Variants in DNHD1 observed in about 807,000 individuals in gnomAD.
DNHD1 encodes the protein dynein heavy chain domain 1, also known as dynein heavy chain domain-containing protein 1.
DNHD1 carries 383 observed loss-of-function variants against 458.1 expected under a neutral mutation model. The observed-to-expected ratio is 0.84, with a 90% CI of 0.77 to 0.91. The LOEUF (loss-of-function observed/expected upper bound fraction) is 0.91. Ranked by LOEUF, DNHD1 falls within the 40% of genes least tolerant of loss-of-function variation. DNHD1 has a pLI of 0.00. For synonymous variants in DNHD1, 2,203 were observed against 2,376.9 expected (o/e 0.93, Z 2.13); for missense variants, 5,336 against 5,866.1 (o/e 0.91, Z 2.95).
At chr11:6,555,195 A>T (rs893832977) in intron 24 of DNHD1, among the ~76,000 whole-genome samples, 1 of 144,534 alleles carries the variant, frequency 6.9e-6, no homozygotes, top group African/African-American at 2.6e-5. Flanking sequence ...CTCCTCCCTC[A>T]TTCCCTCTCT....
intron 3 of DNHD1, among the ~76,000 whole-genome samples, chr11:6,500,974 G>A (rs1422283393): frequency 6.6e-6 from 1 of 152,048 alleles, no homozygotes; most frequent in East Asian, 1.9e-4. Flanking sequence ...GAGAGAGGGA[G>A]TGTAGTTAGG....
intron 29 of DNHD1, 105 bp downstream of exon 29, chr11:6,563,236 C>T: frequency 6.5e-7 from 1 of 1,532,186 alleles, no homozygotes; most frequent in Non-Finnish European, 8.8e-7. Flanking sequence ...CATGGAATCT[C>T]CTGGGGGGAG....
intron 14 of DNHD1, 126 bp from the exon 15 acceptor site, chr11:6,538,257 C>G: frequency 1.4e-6 from 1 of 715,166 alleles, no homozygotes. Context: ...AACTCCACCT[C>G]CCCCACCCCC....
In DNHD1 at chr11:6,528,803, T is replaced by C. The variant is rs1402033483; in HGVS notation, c.2103+16T>C. 6.4e-7 allele frequency: 1 copy of C among 1,551,046 alleles called. No homozygotes were observed. The highest frequency in any genetic ancestry group is 8.7e-7 in the Non-Finnish European group (1 of 1,146,494). ...GCTGCTGGAGGTGAGAACAGTGGTT[T>C]AAGGGATAGGGCGCTGCCCACCAAT... On this transcript the variant is annotated intron_variant, in intron 11 of 42. Coordinates refer to ENST00000254579, the MANE Select transcript of DNHD1 (RefSeq NM_144666.3).
In DNHD1 at chr11:6,533,856, C is replaced by A. The variant is rs188494993; in HGVS notation, c.2681C>A (p.Pro894Gln). ...ESPIPPCPPP[P>Q]QPHLLHCPLL... ...CCCATCCCTCCCTGCCCTCCTCCCC[C>A]ACAACCACATCTACTCCACTGCCCT... Residue 894 changes from proline to glutamine, a missense_variant, in exon 14 of 43, where the codon CCA becomes CAA. Transcript: ENST00000254579. 10 of 1,551,140 alleles carry A rather than the reference C, an allele frequency of 6.4e-6. No individual in the cohort carries two copies. The highest frequency in any genetic ancestry group is 1.2e-5 in the South Asian group (1 of 84,012).
Position 6,505,255 on chromosome 11 carries a change from A to T in DNHD1, c.920+2329A>T, listed in dbSNP as rs1032028955. 2.7e-5 allele frequency among the ~76,000 whole-genome samples: 4 copies of T among 150,278 alleles called. No homozygotes were observed. The highest frequency in any genetic ancestry group is 3.0e-5 in the Non-Finnish European group (2 of 67,550). ...CTGGTTTTTTATTTTTATTTTTATT[A>T]TTTTTTTTTAAGATGGAGTCTCACT... On this transcript the variant is annotated intron_variant, in intron 4 of 42. Coordinates refer to ENST00000254579, the MANE Select transcript of DNHD1 (RefSeq NM_144666.3). This position sits in a 1 kb window ranked among gnomAD's most constrained non-coding sequence, Gnocchi z 4.4.
Position 6,548,130 on chromosome 11 carries a change from T to C in DNHD1, c.6906-80T>C. On this transcript the variant is annotated intron_variant, in intron 22 of 42. Transcript: ENST00000254579. This position sits in a 1 kb window ranked among gnomAD's most constrained non-coding sequence, Gnocchi z 4.4. ...AACCCACATGACATCACTGTTAGGG[T>C]ATGGTGGAGTGTGTGAGTGTGTCAT... 6.5e-7 allele frequency: 1 copy of C among 1,544,102 alleles called. No homozygotes were observed. The highest frequency in any genetic ancestry group is 8.8e-7 in the Non-Finnish European group (1 of 1,140,476).
At chr11:6,520,706 A>G in intron 10 of DNHD1, 3 of 1,021,654 alleles carry the variant, frequency 2.9e-6, no homozygotes, top group Non-Finnish European at 3.5e-6. Context: ...TTTTCATTTC[A>G]TATGGATTAA....
At chr11:6,506,734 C>T (rs1564994940) in intron 4 of DNHD1, among the ~76,000 whole-genome samples, 1 of 152,176 alleles carries the variant, frequency 6.6e-6, no homozygotes, top group African/African-American at 2.4e-5. Context: ...TCTCCCCTGG[C>T]ACCGCCAATC....
rs1178212476 is a variant in DNHD1, at chr11:6,557,540, C to T, written c.8245C>T (p.Leu2749=). 1.9e-6 allele frequency: 3 copies of T among 1,551,728 alleles called. No individual in the cohort carries two copies. In the East Asian group the frequency reaches 7.3e-5, roughly 38 times the overall value. The stretch of plus-strand genomic sequence containing the variant: ...AGTCTCAAACTCCAGAGATCCAAGT[C>T]TAACACCATCCATAGGACCAGTAAG... ...ARVSNSRDPS[L]TPSIGPVSRG... The change falls in exon 25 of 43, where the codon CTA becomes TTA. Residue 2749 remains leucine (L), a synonymous_variant. Transcript: ENST00000254579.
At chr11:6,513,579 G>A (rs1852390671) in intron 7 of DNHD1, among the ~76,000 whole-genome samples, 1 of 152,188 alleles carries the variant, frequency 6.6e-6, no homozygotes, top group Non-Finnish European at 1.5e-5. Flanking sequence ...GTATTTCACT[G>A]TATGAATGAC....
rs1342731521 is a variant in DNHD1 at position 6,545,843 on chromosome 11, C to G, written c.4904C>G (p.Pro1635Arg). 43 of 1,551,760 alleles carry G rather than the reference C, an allele frequency of 2.8e-5. No homozygotes were observed. The highest frequency in any genetic ancestry group is 3.7e-5 in the Non-Finnish European group (43 of 1,147,022). The change falls in exon 21 of 43, where the codon CCA becomes CGA. Residue 1635 changes from proline (P) to arginine (R), a missense_variant. Pro to Arg is a moderately radical substitution (Grantham distance 103). This residue lies in a region of DNHD1 where 3,932 missense variants were observed against 4,365.6 expected (regional missense o/e 0.90). Coordinates refer to ENST00000254579, the MANE Select transcript of DNHD1 (RefSeq NM_144666.3). This position sits in a 1 kb window ranked among gnomAD's most constrained non-coding sequence, Gnocchi z 4.9. ...GCATCTTCTGAACCCTCTCTGTCACCAGCGGCATGCTGGATAGATGTGCTA... is the reference window on the plus strand; with the variant it reads ...GCATCTTCTGAACCCTCTCTGTCACGAGCGGCATGCTGGATAGATGTGCTA... ...TIASSEPSLS[P>R]AACWIDVLGR...
At chr11:6,518,741 A>G (rs1020151744) in intron 7 of DNHD1, among the ~76,000 whole-genome samples, 3 of 152,198 alleles carry the variant, frequency 2.0e-5, no homozygotes, top group African/African-American at 4.8e-5. Context: ...GGAAGAAAAC[A>G]TCTCACTTAG....
At chr11:6,526,660 A>T (rs560647173) in intron 10 of DNHD1, among the ~76,000 whole-genome samples, 2 of 152,130 alleles carry the variant, frequency 1.3e-5, no homozygotes, top group South Asian at 4.1e-4. Flanking sequence ...CCCTACCTTC[A>T]TCTAGACTTT....
chr11:6,503,056 T>A, intron 4 of DNHD1, 130 bp downstream of exon 4: 2 of 992,826 alleles, frequency 2.0e-6, no homozygotes, highest in Non-Finnish European at 2.9e-6. Flanking sequence ...CCTCTGACTC[T>A]AGTGTCCCTC....
At chr11:6,523,568 A>G (rs532371855) in intron 10 of DNHD1, among the ~76,000 whole-genome samples, 2 of 152,316 alleles carry the variant, frequency 1.3e-5, no homozygotes, top group East Asian at 3.9e-4. Flanking sequence ...TTGGATTGAT[A>G]TTTTAAAATT....
intron 33 of DNHD1, 46 bp downstream of exon 33, chr11:6,566,037 C>T (rs1853688410): frequency 6.5e-7 from 1 of 1,540,064 alleles, no homozygotes; most frequent in Non-Finnish European, 8.8e-7. Context: ...TGACTTGCCC[C>T]ATTCTGTGAC....
Position 6,505,543 on chromosome 11 carries a change from G to A in DNHD1, c.920+2617G>A, listed in dbSNP as rs1183976846. 1.3e-5 allele frequency among the ~76,000 whole-genome samples: 2 copies of A among 152,148 alleles called. No individual in the cohort carries two copies. Among genetic ancestry groups the A allele is most frequent in the African/African-American group, 4.8e-5 (2 of 41,432 alleles). On this transcript the variant is annotated intron_variant, in intron 4 of 42. Transcript: ENST00000254579. This position sits in a 1 kb window ranked among gnomAD's most constrained non-coding sequence, Gnocchi z 4.4. ...GCTGGGATTACAGGCGTGAGTCACC[G>A]CGCCTGGCCTCGACATCTTTTTAAA...
Position 6,533,129 on chromosome 11 carries a change from A to G in DNHD1, c.2450A>G (p.His817Arg), listed in dbSNP as rs1456632461. Residue 817 changes from histidine to arginine, a missense_variant, in exon 13 of 43, where the codon CAT becomes CGT. Transcript: ENST00000254579. ...QLMTELTDFM[H>R]IFRTINSDIH... ...ATGACAGAGCTCACAGATTTCATGCATATCTTCCGAACCATCAACTCAGAT... is the reference window on the plus strand; with the variant it reads ...ATGACAGAGCTCACAGATTTCATGCGTATCTTCCGAACCATCAACTCAGAT... 1.3e-6 allele frequency: 2 copies of G among 1,551,594 alleles called. No homozygotes were observed. The highest frequency in any genetic ancestry group is 1.4e-5 in the African/African-American group (1 of 73,048).
Sources: allele counts gnomAD v4.1 joint callset (sites outside exome capture counted in the v4.1 genomes callset), GRCh38; gene constraint gnomAD v4.1.1; regional missense constraint gnomAD v4.1.1; non-coding constraint Gnocchi (gnomAD v3.1); transcripts MANE v1.5; gene names NCBI Gene and HGNC (gene_info 2026-07-23, HGNC 2026-07-21).